Variants in OR2A12 observed in about 807,000 individuals in gnomAD.
OR2A12 encodes the protein olfactory receptor 2A12.
For synonymous variants in OR2A12, 153 were observed against 149.3 expected (o/e 1.02, Z -0.18); for missense variants, 380 against 372.5 (o/e 1.02, Z -0.17).
Position 144,095,797 on chromosome 7 carries a change from G to A in OR2A12, c.690G>A (p.Gly230=). ...TGGCCATCTTGAGGATCCAGTCTGG[G>A]GAGGGCCGCAGAAAGGCCTTCTCTA... The part of the protein sequence containing the change: ...ILVAILRIQS[G]EGRRKAFSTC... The change falls in exon 2 of 2, where the codon GGG becomes GGA. Residue 230 remains glycine (G), a synonymous_variant. Coordinates refer to ENST00000641592, the MANE Select transcript of OR2A12 (RefSeq NM_001004135.2). The A allele has an allele frequency of 3.7e-6, 6 of 1,614,084 alleles. No homozygotes were observed. Among genetic ancestry groups the A allele is most frequent in the Non-Finnish European group, 5.1e-6 (6 of 1,180,026 alleles).
Position 144,098,730 on chromosome 7 carries a change from A to G in OR2A12, c.*2690A>G, listed in dbSNP as rs968781001. The G allele has an allele frequency of 3.9e-5, 6 of 152,366 alleles. No individual in the cohort carries two copies. The highest frequency in any genetic ancestry group is 1.4e-4 in the African/African-American group (6 of 41,440). The allele number at this position is 152,366 out of a possible 1,614,324, so 9.4% of individuals were successfully genotyped here. A position where few individuals can be genotyped will look rare whatever the true frequency, so the allele number is the denominator to read the frequency against. On this transcript the variant is annotated 3_prime_UTR_variant, in exon 2 of 2. Transcript: ENST00000641592. Reference sequence around the variant, plus strand: ...GAGTGTCTTCCCACTGTGTCTACACATGGCAGAGAGAGAGAGAGCCCATAT... The same window carrying G: ...GAGTGTCTTCCCACTGTGTCTACACGTGGCAGAGAGAGAGAGAGCCCATAT...
At position 144,095,764 on chromosome 7, in the gene OR2A12, C is replaced by T. The variant is rs187785472; in HGVS notation, c.657C>T (p.His219=). ...GCCTGGTGCTGGTCTCCTACTTGCA[C>T]ATCCTGGTGGCCATCTTGAGGATCC... ...PLCLVLVSYL[H]ILVAILRIQS... is the part of the protein sequence containing the mutation. Residue 219 remains histidine, a synonymous_variant, in exon 2 of 2, where the codon CAC becomes CAT. Coordinates refer to ENST00000641592, the MANE Select transcript of OR2A12 (RefSeq NM_001004135.2). 97 of 1,614,116 alleles carry T rather than the reference C, an allele frequency of 6.0e-5. No individual in the cohort carries two copies. The East Asian group carries it at 1.9e-3, about 32-fold the overall frequency.
In OR2A12 at chr7:144,096,082, A is replaced by C; in HGVS notation, c.*42A>C. 6 of 1,414,396 alleles carry C rather than the reference A, an allele frequency of 4.2e-6. No homozygotes were observed. Among genetic ancestry groups the C allele is most frequent in the Non-Finnish European group, 5.8e-6 (6 of 1,033,764 alleles). The allele number at this position is 1,414,396 out of a possible 1,614,324, so 87.6% of individuals were successfully genotyped here. On this transcript the variant is annotated 3_prime_UTR_variant, in exon 2 of 2. Coordinates refer to ENST00000641592, the MANE Select transcript of OR2A12 (RefSeq NM_001004135.2). ...TCCTGAGTGTGTAAGCATGGTTCTC[A>C]TGACCCTGGGTCCTGAAATTTCCTT...
chr7:144,090,736 A>G (rs1485284897), intron 1 of OR2A12, among the ~76,000 whole-genome samples: 4 of 151,908 alleles, frequency 2.6e-5, no homozygotes, highest in African/African-American at 9.7e-5. Flanking sequence ...CTACGTGTCC[A>G]TGTGTTCTTA....
At position 144,095,241 on chromosome 7, in the gene OR2A12, T is replaced by G. The variant is rs1563042560; in HGVS notation, c.134T>G (p.Leu45Arg). ...SLTLMGNGII[L>R]GLIYLDSRLH... ...ACCCTGATGGGAAATGGGATTATCCTGGGGCTCATCTACTTGGACTCTAGA... is the reference window on the plus strand; with the variant it reads ...ACCCTGATGGGAAATGGGATTATCCGGGGGCTCATCTACTTGGACTCTAGA... The change falls in exon 2 of 2, where the codon CTG (leucine) becomes CGG (arginine). Residue 45 changes from leucine (L) to arginine (R), a missense_variant. Transcript: ENST00000641592. 2 of 1,613,960 alleles carry G rather than the reference T, an allele frequency of 1.2e-6. No homozygotes were observed. Among genetic ancestry groups the G allele is most frequent in the East Asian group, 2.2e-5 (1 of 44,880 alleles).
Position 144,095,411 on chromosome 7 carries a change from T to C in OR2A12, c.304T>C (p.Leu102=). ...TGCTCCTTGCATACTTCAGACTTTT[T>C]TGTATTTGGCGTTTGCTATTACAGA... is the stretch of plus-strand genomic sequence containing the variant. The part of the protein sequence containing the change: ...SFAPCILQTF[L]YLAFAITECL... Residue 102 remains leucine (L), a synonymous_variant, in exon 2 of 2, where the codon TTG becomes CTG. Coordinates refer to ENST00000641592, the MANE Select transcript of OR2A12 (RefSeq NM_001004135.2). 6.2e-7 allele frequency: 1 copy of C among 1,614,104 alleles called. No homozygotes were observed. The highest frequency in any genetic ancestry group is 8.5e-7 in the Non-Finnish European group (1 of 1,179,954).
chr7:144,094,053 A>G (rs1263632166), intron 1 of OR2A12, among the ~76,000 whole-genome samples: 4 of 152,100 alleles, frequency 2.6e-5, no homozygotes, highest in African/African-American at 9.7e-5. Flanking sequence ...CTAATTATTT[A>G]CTTTGTTTTC....
chr7:144,087,293 A>G (rs2051193964), intron 1 of OR2A12, among the ~76,000 whole-genome samples: 1 of 152,048 alleles, frequency 6.6e-6, no homozygotes, highest in Non-Finnish European at 1.5e-5. Flanking sequence ...AAAGTCCTAG[A>G]GTTATTTGAC....
At chr7:144,088,040 G>A (rs79060667) in intron 1 of OR2A12, among the ~76,000 whole-genome samples, 17,883 of 152,174 alleles carry the variant, frequency 0.12, 1,873 homozygotes, top group East Asian at 0.35. Flanking sequence ...TTGAAACAGC[G>A]TCTCGCTCTG....
rs1380763075 is a variant in OR2A12 at position 144,097,232 on chromosome 7, G to T, written c.*1192G>T. 6.6e-6 allele frequency: 1 copy of T among 151,826 alleles called. No homozygotes were observed. The allele number at this position is 151,826 out of a possible 1,614,324, so 9.4% of individuals were successfully genotyped here. On this transcript the variant is annotated 3_prime_UTR_variant, in exon 2 of 2. Transcript: ENST00000641592. ...TAAAGCAGTAACAAACAATTAAAAT[G>T]AAACTTGAAAAAACGCTACCATACA...
At chr7:144,095,021 C>A in intron 1 of OR2A12, 36 bp from the exon 2 acceptor site, 1 of 863,848 alleles carries the variant, frequency 1.2e-6, no homozygotes, top group Non-Finnish European at 1.8e-6. Flanking sequence ...AAAATTCATG[C>A]TCTATAATGA....
rs1277581072 is a variant in OR2A12, at chr7:144,098,894, C to CTCTT, written c.*2859_*2862dup. The CTCTT allele has an allele frequency of 6.6e-6, 1 of 152,002 alleles. No individual in the cohort carries two copies. The highest frequency in any genetic ancestry group is 1.9e-4 in the East Asian group (1 of 5,182). 9.4% of individuals were successfully genotyped at this position (152,002 alleles called of 1,614,324 possible). A position where few individuals can be genotyped will look rare whatever the true frequency, so the allele number is the denominator to read the frequency against. The stretch of plus-strand genomic sequence containing the variant: ...ATCATTGAAGGAGGACTTTCTTTCT[C>CTCTT]TCTTTCTTCCTTTCTTTCTTCTTTC... On this transcript the variant is annotated 3_prime_UTR_variant, in exon 2 of 2. Coordinates refer to ENST00000641592, the MANE Select transcript of OR2A12 (RefSeq NM_001004135.2).
rs775787508 is a variant in OR2A12, at chr7:144,097,246, C to T, written c.*1206C>T. On this transcript the variant is annotated 3_prime_UTR_variant, in exon 2 of 2. Coordinates refer to ENST00000641592, the MANE Select transcript of OR2A12 (RefSeq NM_001004135.2). ...ACAATTAAAATGAAACTTGAAAAAACGCTACCATACACAACAGGATTTAAT... is the reference window on the plus strand; with the variant it reads ...ACAATTAAAATGAAACTTGAAAAAATGCTACCATACACAACAGGATTTAAT... The T allele has an allele frequency of 5.9e-5, 9 of 151,862 alleles. No individual in the cohort carries two copies. The highest frequency in any genetic ancestry group is 1.0e-4 in the Non-Finnish European group (7 of 67,980). The allele number at this position is 151,862 out of a possible 1,614,324, so 9.4% of individuals were successfully genotyped here.
At chr7:144,088,373 C>T (rs2051201878) in intron 1 of OR2A12, among the ~76,000 whole-genome samples, 1 of 152,184 alleles carries the variant, frequency 6.6e-6, no homozygotes, top group African/African-American at 2.4e-5. Flanking sequence ...ATCCTTCTTC[C>T]ACTGCCACAT....
Position 144,094,465 on chromosome 7 carries a change from G to A in OR2A12, c.-51-592G>A, listed in dbSNP as rs532614035. ...TAACCCCATAAAAGCTAAGTTCCAG[G>A]TATTACTGTCTGCTTCCAGACTTGG... On this transcript the variant is annotated intron_variant, in intron 1 of 1. Transcript: ENST00000641592. 4.6e-5 allele frequency among the ~76,000 whole-genome samples: 7 copies of A among 152,246 alleles called. No homozygotes were observed. The East Asian group carries it at 1.2e-3, about 25-fold the overall frequency.
chr7:144,090,295 TA>T (rs1220024428), intron 1 of OR2A12, among the ~76,000 whole-genome samples: 12 of 151,896 alleles, frequency 7.9e-5, no homozygotes, highest in Non-Finnish European at 1.3e-4. Flanking sequence ...TTATAGTTTC[TA>T]TTAGAAATCA....
Position 144,095,802 on chromosome 7 carries a change from G to A in OR2A12, c.695G>A (p.Gly232Asp), listed in dbSNP as rs1387231697. The part of the protein sequence containing the change: ...VAILRIQSGE[G>D]RRKAFSTCSS... Reference sequence around the variant, plus strand: ...ATCTTGAGGATCCAGTCTGGGGAGGGCCGCAGAAAGGCCTTCTCTACCTGC... The same window carrying A: ...ATCTTGAGGATCCAGTCTGGGGAGGACCGCAGAAAGGCCTTCTCTACCTGC... The change falls in exon 2 of 2, where the codon GGC becomes GAC. Residue 232 changes from glycine to aspartate, a missense_variant. Physicochemically the swap from Gly to Asp is moderately conservative, Grantham distance 94. Transcript: ENST00000641592. The A allele has an allele frequency of 2.5e-6, 4 of 1,614,104 alleles. No homozygotes were observed. The Admixed American group carries it at 6.7e-5, about 27-fold the overall frequency.
chr7:144,091,708 T>G (rs768027914), intron 1 of OR2A12, among the ~76,000 whole-genome samples: 1 of 152,178 alleles, frequency 6.6e-6, no homozygotes, highest in Non-Finnish European at 1.5e-5. Flanking sequence ...ATGGGATTTT[T>G]TTTTGTAAAT....
In OR2A12 at chr7:144,095,051, C is replaced by A; in HGVS notation, c.-51-6C>A. 8.8e-7 allele frequency: 1 copy of A among 1,139,512 alleles called. No homozygotes were observed. Among genetic ancestry groups the A allele is most frequent in the South Asian group, 1.5e-5 (1 of 67,394 alleles). The allele number at this position is 1,139,512 out of a possible 1,614,324, so 70.6% of individuals were successfully genotyped here. A position where few individuals can be genotyped will look rare whatever the true frequency, so the allele number is the denominator to read the frequency against. On this transcript the variant is annotated splice_polypyrimidine_tract_variant and splice_region_variant and intron_variant, in intron 1 of 1. Coordinates refer to ENST00000641592, the MANE Select transcript of OR2A12 (RefSeq NM_001004135.2). Reference sequence around the variant, plus strand: ...TAATGAAATGTTTTTTATTTTCTCCCATTAGCTGTGAAATTTCTGTCTTAA... The same window carrying A: ...TAATGAAATGTTTTTTATTTTCTCCAATTAGCTGTGAAATTTCTGTCTTAA...
Sources: allele counts gnomAD v4.1 joint callset (sites outside exome capture counted in the v4.1 genomes callset), GRCh38; gene constraint gnomAD v4.1.1; transcripts MANE v1.5; gene names NCBI Gene and HGNC (gene_info 2026-07-23, HGNC 2026-07-21).